WDHD1: variants seen among roughly 807,000 people sequenced by gnomAD.
WDHD1 encodes WD repeat and HMG-box DNA-binding protein 1.
A neutral mutation model predicts 135.4 loss-of-function variants in WDHD1; 111 were observed. That is an observed-to-expected ratio of 0.82 (90% CI 0.70 to 0.96). The LOEUF is 0.96. Among genes scored for constraint, WDHD1 ranks in the 40% least tolerant of loss-of-function variants. The pLI, the probability that WDHD1 is intolerant of heterozygous loss-of-function variation, is 0.00. For synonymous variants in WDHD1, 434 were observed against 439.0 expected (o/e 0.99, Z 0.14); for missense variants, 1,351 against 1,336.3 (o/e 1.01, Z -0.17).
intron 21 of WDHD1, among the ~76,000 whole-genome samples, chr14:54,958,925 T>C (rs1264017248): frequency 6.6e-6 from 1 of 152,224 alleles, no homozygotes; most frequent in Admixed American, 6.5e-5. Flanking sequence ...CCTGAGCTCC[T>C]GATTCAAATA....
chr14:55,018,946 C>T (rs887643581), intron 2 of WDHD1, among the ~76,000 whole-genome samples: 3 of 152,132 alleles, frequency 2.0e-5, no homozygotes, highest in African/African-American at 7.2e-5. Context: ...TTGCTTGAAC[C>T]TGGGAGGCAG....
chr14:54,987,491 CT>C (rs2041713383), intron 13 of WDHD1, 104 bp from the exon 14 acceptor site: 2 of 1,054,214 alleles, frequency 1.9e-6, no homozygotes, highest in South Asian at 2.1e-5. Flanking sequence ...AAATAGTTTA[CT>C]TCCTATTATA....
chr14:55,008,341 A>T lies in WDHD1; in HGVS notation c.479T>A (p.Val160Asp). The T allele has an allele frequency of 6.2e-7, 1 of 1,613,660 alleles. No homozygotes were observed. Among genetic ancestry groups the T allele is most frequent in the Non-Finnish European group, 8.5e-7 (1 of 1,179,776 alleles). ...FLASASCDGS[V>D]RVWQISDQTC... ...CTGATCTGAAATTTGCCACACTCTG[A>T]CAGATCCATCACAACTAGCTGATGC... Residue 160 changes from valine (V) to aspartate (D), a missense_variant, in exon 6 of 26, where the codon GTC (valine) becomes GAC (aspartate). Physicochemically the swap from Val to Asp is radical, Grantham distance 152 (BLOSUM62 -3). This residue lies in a region of WDHD1 where 1,330 missense variants were observed against 1,296.1 expected (regional missense o/e 1.03). Coordinates refer to ENST00000360586, the MANE Select transcript of WDHD1 (RefSeq NM_007086.4).
At chr14:54,999,684 C>A (rs1351867696) in intron 10 of WDHD1, among the ~76,000 whole-genome samples, 1 of 152,136 alleles carries the variant, frequency 6.6e-6, no homozygotes, top group African/African-American at 2.4e-5. Context: ...GTAGCCTCAA[C>A]CTCCTGGGCT....
chr14:55,024,029 A>T (rs1300443426), intron 2 of WDHD1, among the ~76,000 whole-genome samples: 1 of 151,956 alleles, frequency 6.6e-6, no homozygotes, highest in African/African-American at 2.4e-5. Context: ...CTTTTTCTTA[A>T]TTTTTCCATA....
At chr14:55,008,279 T>G (rs1390577237) in intron 6 of WDHD1, 37 bp downstream of exon 6, 1 of 1,598,058 alleles carries the variant, frequency 6.3e-7, no homozygotes, top group East Asian at 2.2e-5. Context: ...ATTACAGAAA[T>G]GGGCAAAAAA....
At chr14:54,965,657 C>T (rs1369931841) in intron 18 of WDHD1, among the ~76,000 whole-genome samples, 1 of 152,100 alleles carries the variant, frequency 6.6e-6, no homozygotes, top group Non-Finnish European at 1.5e-5. Context: ...CTACAAGGTA[C>T]TGTTTTATTT....
chr14:55,016,906 A>T (rs1382094017), intron 2 of WDHD1, among the ~76,000 whole-genome samples: 1 of 152,216 alleles, frequency 6.6e-6, no homozygotes, highest in Non-Finnish European at 1.5e-5. Flanking sequence ...AGATGAGATC[A>T]GGTGCGTTCA....
intron 11 of WDHD1, among the ~76,000 whole-genome samples, chr14:54,992,103 C>T (rs2041802653): frequency 6.6e-6 from 1 of 151,746 alleles, no homozygotes; most frequent in African/African-American, 2.4e-5. Flanking sequence ...ACTGAAAATA[C>T]AAAAATTAGC....
Position 54,941,647 on chromosome 14 carries a change from G to T in WDHD1, c.3233C>A (p.Thr1078Asn). The T allele has an allele frequency of 6.2e-7, 1 of 1,613,818 alleles. No individual in the cohort carries two copies. The highest frequency in any genetic ancestry group is 2.2e-5 in the East Asian group (1 of 44,860). ...KAKGETASEG[T>N]EAKKRKRVVD... Reference sequence around the variant, plus strand: ...CACACGTTTTCGCTTCTTTGCTTCAGTTCCTTCACTTGCCGTTTCTCCTTT... The same window carrying T: ...CACACGTTTTCGCTTCTTTGCTTCATTTCCTTCACTTGCCGTTTCTCCTTT... The change falls in exon 26 of 26, where the codon ACT becomes AAT. Residue 1078 changes from threonine (T) to asparagine (N), a missense_variant. By Grantham distance (65) the Thr-to-Asn change is moderately conservative. Transcript: ENST00000360586.
intron 7 of WDHD1, among the ~76,000 whole-genome samples, chr14:55,003,487 C>T (rs113695652): frequency 0.28 from 42,772 of 151,092 alleles, 6,114 homozygotes; most frequent in Non-Finnish European, 0.3. Context: ...TGCACTCCAG[C>T]CTGGGCAACA....
intron 16 of WDHD1, among the ~76,000 whole-genome samples, chr14:54,980,837 G>A (rs920955224): frequency 2.7e-5 from 4 of 147,960 alleles, no homozygotes; most frequent in African/African-American, 5.0e-5. Flanking sequence ...TCAGCTGGGC[G>A]TGGTGGCTCA....
chr14:55,014,570 C>T (rs1411033497), intron 2 of WDHD1, among the ~76,000 whole-genome samples: 2 of 152,098 alleles, frequency 1.3e-5, no homozygotes, highest in Non-Finnish European at 2.9e-5. Flanking sequence ...CTCAACTATC[C>T]AAACGTGTTT....
intron 14 of WDHD1, among the ~76,000 whole-genome samples, chr14:54,985,331 C>A (rs1645092399): frequency 6.6e-6 from 1 of 152,180 alleles, no homozygotes; most frequent in South Asian, 2.1e-4. Flanking sequence ...GAGACATGAA[C>A]TGCAAGCTGG....
intron 24 of WDHD1, among the ~76,000 whole-genome samples, chr14:54,951,818 A>T (rs1239032963): frequency 6.6e-6 from 1 of 152,204 alleles, no homozygotes; most frequent in Non-Finnish European, 1.5e-5. Context: ...CATCTCTGGG[A>T]TGCAAGGCTA....
At position 54,957,072 on chromosome 14, in the gene WDHD1, T is replaced by G; in HGVS notation, c.2878A>C (p.Ile960Leu). The stretch of plus-strand genomic sequence containing the variant: ...GGCTTTGGAATCAGAGGCTTTATAA[T>G]GGGAGACTTTTCATTATTTGTAGTT... ...SRTTNNEKSPIIKPLIPKPKP... is the reference protein window; with the variant it reads ...SRTTNNEKSPLIKPLIPKPKP... Residue 960 changes from isoleucine to leucine, a missense_variant, in exon 23 of 26, where the codon ATT becomes CTT. Ile to Leu is a conservative substitution (Grantham distance 5, BLOSUM62 2). Coordinates refer to ENST00000360586, the MANE Select transcript of WDHD1 (RefSeq NM_007086.4). The G allele has an allele frequency of 6.2e-7, 1 of 1,614,150 alleles. No homozygotes were observed. The highest frequency in any genetic ancestry group is 1.6e-4 in the Middle Eastern group (1 of 6,062).
chr14:55,009,953 T>G (rs2042139421), intron 4 of WDHD1, among the ~76,000 whole-genome samples: 2 of 151,848 alleles, frequency 1.3e-5, no homozygotes, highest in Admixed American at 1.3e-4. Context: ...CCCGAGTAGC[T>G]GGGATTACAG....
intron 21 of WDHD1, 49 bp downstream of exon 21, chr14:54,962,449 A>G (rs185354384): frequency 5.3e-5 from 75 of 1,422,054 alleles, no homozygotes; most frequent in Admixed American, 3.4e-4. Context: ...CACTTTGCAG[A>G]TGACTTGCAA....
At chr14:55,013,350 A>T in intron 3 of WDHD1, 135 bp downstream of exon 3, 1 of 608,808 alleles carries the variant, frequency 1.6e-6, no homozygotes, top group Non-Finnish European at 2.8e-6. Context: ...AAGTTACGGC[A>T]TTATCATACA....
Sources: gnomAD v4.1 joint callset for allele counts (sites outside exome capture counted in the v4.1 genomes callset) on GRCh38, gnomAD v4.1.1 for gene constraint, gnomAD v4.1.1 regional missense constraint, MANE v1.5 for transcripts, NCBI Gene and HGNC (gene_info 2026-07-23, HGNC 2026-07-21) for gene names.